Variants in WDR27 observed in about 807,000 individuals in gnomAD.
The protein encoded by WDR27 is WD repeat domain 27, also known as WD repeat-containing protein 27.
In WDR27, 100 loss-of-function variants were observed where a neutral mutation model predicts 114.4. The ratio of observed to expected loss-of-function variants is 0.87; its 90% CI spans 0.74 to 1.03. The LOEUF is 1.03. WDR27 is among the 50% of genes least tolerant of loss of function. The pLI is 0.00. For missense variants in WDR27, 1,129 were observed against 1,092.9 expected, an observed-to-expected ratio of 1.03 and a Z score of -0.47; for synonymous variants, 449 against 423.1, an observed-to-expected ratio of 1.06 and a Z score of -0.75.
rs1350996995 is a variant in WDR27 at position 169,664,958 on chromosome 6, GC to G, written c.783+527del. 14 of 12,024 alleles carry G rather than the reference GC, an allele frequency of 1.2e-3. 7 individuals carry two copies. The East Asian group carries it at 0.029, about 25-fold the overall frequency. 0.7% of individuals were successfully genotyped at this position (12,024 alleles called of 1,614,324 possible). A position where few individuals can be genotyped will look rare whatever the true frequency, so the allele number is the denominator to read the frequency against. On this transcript the variant is annotated intron_variant, in intron 7 of 25. Transcript: ENST00000448612. ...GAGCCGTCCAGGGCGCCTCTCCGGG[GC>G]GCGGGCAGCGTGCGGGCACGGGGGA...
At chr6:169,547,459 C>T (rs555898376) in intron 25 of WDR27, among the ~76,000 whole-genome samples, 10 of 152,150 alleles carry the variant, frequency 6.6e-5, no homozygotes, top group Admixed American at 4.6e-4. Flanking sequence ...CAACAATGTA[C>T]GAAAGAAATT....
chr6:169,692,127 C>T (rs534372332), intron 1 of WDR27, among the ~76,000 whole-genome samples: 1 of 152,292 alleles, frequency 6.6e-6, no homozygotes, highest in South Asian at 2.1e-4. Flanking sequence ...AGGATGTAAC[C>T]TTACCTAGAG....
the WDR27 span, among the ~76,000 whole-genome samples, chr6:169,438,230 CTTTTTCTTT>C: frequency 8.1e-6 from 1 of 123,016 alleles, no homozygotes; most frequent in South Asian, 2.6e-4. Context: ...TTTACTTTTA[CTTTTTCTTT>C]TTTTTTTTTT....
intron 25 of WDR27, among the ~76,000 whole-genome samples, chr6:169,552,838 T>C (rs1015356558): frequency 4.6e-5 from 7 of 152,252 alleles, no homozygotes; most frequent in African/African-American, 1.7e-4. Context: ...CTCTCTCAGT[T>C]GAGGCTAAAA....
At chr6:169,511,774 C>T (rs981337465) in intron 25 of WDR27, among the ~76,000 whole-genome samples, 6 of 152,128 alleles carry the variant, frequency 3.9e-5, no homozygotes, top group African/African-American at 9.7e-5. Context: ...AGCTACTATT[C>T]ATATCTGCCA....
At chr6:169,655,910 G>A (rs1824051184) in intron 13 of WDR27, among the ~76,000 whole-genome samples, 1 of 152,190 alleles carries the variant, frequency 6.6e-6, no homozygotes, top group South Asian at 2.1e-4. Context: ...TTTTAGTAGA[G>A]ACGGGGTTTC....
rs763542659 is a variant in WDR27 at position 169,647,807 on chromosome 6, G to T, written c.1623C>A (p.Pro541=). The change falls in exon 16 of 26, where the codon CCC becomes CCA. Residue 541 remains proline, a synonymous_variant. Transcript: ENST00000448612. ...GGATGCAGCATACACGTGTGCAGGT[G>T]GGGGCGGCAGCGACCTGGGGGCCGG... ...TKPGPQVAAA[P]TCTRVCCIQY... 4 of 1,584,232 alleles carry T rather than the reference G, an allele frequency of 2.5e-6. No individual in the cohort carries two copies. The highest frequency in any genetic ancestry group is 2.3e-5 in the East Asian group (1 of 43,726).
At chr6:169,633,546 G>A (rs1013233344) in intron 20 of WDR27, among the ~76,000 whole-genome samples, 12 of 152,188 alleles carry the variant, frequency 7.9e-5, no homozygotes, top group Admixed American at 7.2e-4. Context: ...ACCGTGACGT[G>A]CTTCATAAAC....
rs764004519 is a variant in WDR27 at position 169,582,948 on chromosome 6, T to C, written c.2425-14A>G. On this transcript the variant is annotated splice_polypyrimidine_tract_variant and intron_variant, in intron 23 of 25. Coordinates refer to ENST00000448612, the MANE Select transcript of WDR27 (RefSeq NM_182552.5). ...ATACACGTAAGCCTACAAGACAAGA[T>C]GAGCAGGTGTGCCATGTTAACTCAG... 3.1e-6 allele frequency: 5 copies of C among 1,612,062 alleles called. No individual in the cohort carries two copies. Among genetic ancestry groups the C allele is most frequent in the Non-Finnish European group, 4.2e-6 (5 of 1,178,634 alleles).
At chr6:169,446,859 T>C in the WDR27 span, among the ~76,000 whole-genome samples, 3 of 152,342 alleles carry the variant, frequency 2.0e-5, no homozygotes, top group East Asian at 5.8e-4. Context: ...ACAACAGTCC[T>C]GCTCTCACGC....
chr6:169,598,247 A>G (rs896161438), intron 23 of WDR27, among the ~76,000 whole-genome samples: 1 of 152,216 alleles, frequency 6.6e-6, no homozygotes, highest in Non-Finnish European at 1.5e-5. Flanking sequence ...GTGTTGTCTT[A>G]GTCTGTTTTG....
At chr6:169,555,189 A>G (rs903413157) in intron 25 of WDR27, among the ~76,000 whole-genome samples, 4 of 152,288 alleles carry the variant, frequency 2.6e-5, no homozygotes, top group Non-Finnish European at 5.9e-5. Context: ...TCACATCAGC[A>G]TCTAAAGCCT....
chr6:169,566,064 GA>G (rs928235415), intron 25 of WDR27, among the ~76,000 whole-genome samples: 33 of 151,820 alleles, frequency 2.2e-4, no homozygotes, highest in African/African-American at 7.2e-4. Flanking sequence ...AATTATGTAA[GA>G]AATAAAACAT....
rs1013160474 is a variant in WDR27 at position 169,701,987 on chromosome 6, G to A, written c.-444C>T. 1.2e-4 allele frequency: 50 copies of A among 410,464 alleles called. No individual in the cohort carries two copies. The highest frequency in any genetic ancestry group is 1.0e-3 in the Admixed American group (39 of 38,996). 25.4% of individuals were successfully genotyped at this position (410,464 alleles called of 1,614,324 possible). A position where few individuals can be genotyped will look rare whatever the true frequency, so the allele number is the denominator to read the frequency against. Reference sequence around the variant, plus strand: ...AGCCACACTCCGCCCCACGCTCGCCGCTATGGTTACTTGCCAGCCGACCCA... The same window carrying A: ...AGCCACACTCCGCCCCACGCTCGCCACTATGGTTACTTGCCAGCCGACCCA... On this transcript the variant is annotated 5_prime_UTR_variant, in exon 1 of 26. Transcript: ENST00000448612.
rs59884264 is a variant in WDR27, at chr6:169,605,108, C to CAAAAAAAAAAAAAAAA, written c.2322-2803_2322-2788dup. 3.9e-5 allele frequency among the ~76,000 whole-genome samples: 3 copies of CAAAAAAAAAAAAAAAA among 76,208 alleles called. 1 individual carries two copies. The highest frequency in any genetic ancestry group is 3.1e-3 in the East Asian group (2 of 646). 50.0% of individuals were successfully genotyped at this position (76,208 alleles called of 152,430 possible). A position where few individuals can be genotyped will look rare whatever the true frequency, so the allele number is the denominator to read the frequency against. On this transcript the variant is annotated intron_variant, in intron 22 of 25. Coordinates refer to ENST00000448612, the MANE Select transcript of WDR27 (RefSeq NM_182552.5). ...AGAAGTCCTAGCCAGAGCAATTAGG[C>CAAAAAAAAAAAAAAAA]AAAAAAAAAAAAAAAAGTTTTTTTT...
Position 169,651,930 on chromosome 6 carries a change from T to G in WDR27, c.1481A>C (p.His494Pro), listed in dbSNP as rs754651872. ...VRSSGYASAP[H>P]VTMFSPKTNI... Reference sequence around the variant, plus strand: ...CTCTCATTGACATGAGTTCACTCACTGTGGTGCTGACGCATAACCAGATGA... The same window carrying G: ...CTCTCATTGACATGAGTTCACTCACGGTGGTGCTGACGCATAACCAGATGA... Residue 494 changes from histidine (H) to proline (P), a missense_variant and splice_region_variant, in exon 14 of 26, where the codon CAT (histidine) becomes CCT (proline). Coordinates refer to ENST00000448612, the MANE Select transcript of WDR27 (RefSeq NM_182552.5). 1.2e-6 allele frequency: 2 copies of G among 1,613,216 alleles called. No homozygotes were observed. Among genetic ancestry groups the G allele is most frequent in the South Asian group, 2.2e-5 (2 of 90,810 alleles).
In WDR27 at chr6:169,659,232, G is replaced by A. The variant is rs1211644189; in HGVS notation, c.1198-25C>T. On this transcript the variant is annotated intron_variant, in intron 11 of 25. Transcript: ENST00000448612. This position sits in a 1 kb window ranked among gnomAD's most constrained non-coding sequence, Gnocchi z 4.3. ...CCTGCAGGGACGCGGTTTCAACATC[G>A]TTAGCGACACCACCCAGTAAAAGCA... 1.0e-5 allele frequency: 16 copies of A among 1,573,518 alleles called. No homozygotes were observed. The highest frequency in any genetic ancestry group is 1.9e-5 in the Admixed American group (1 of 53,588).
intron 25 of WDR27, among the ~76,000 whole-genome samples, chr6:169,490,764 T>C (rs1165629358): frequency 6.6e-6 from 1 of 152,184 alleles, no homozygotes; most frequent in Non-Finnish European, 1.5e-5. Context: ...GACAGTGTAC[T>C]TCACATAATT....
At chr6:169,668,924 C>G (rs927023985) in intron 4 of WDR27, 6 of 152,154 alleles carry the variant, frequency 3.9e-5, no homozygotes, top group Non-Finnish European at 8.8e-5. Flanking sequence ...ACTTAGAATA[C>G]TGAGTACATT....
Sources: gnomAD v4.1 joint callset for allele counts (sites outside exome capture counted in the v4.1 genomes callset) on GRCh38, gnomAD v4.1.1 for gene constraint, Gnocchi (gnomAD v3.1) non-coding constraint, MANE v1.5 for transcripts, NCBI Gene and HGNC (gene_info 2026-07-23, HGNC 2026-07-21) for gene names.